The following HEATR5A variants were observed in gnomAD, a reference collection of about 807,000 sequenced individuals.
HEATR5A encodes the protein HEAT repeat-containing protein 5A.
HEATR5A carries 178 observed loss-of-function variants against 218.8 expected under a neutral mutation model. The ratio of observed to expected loss-of-function variants is 0.81; its 90% CI spans 0.72 to 0.92. The LOEUF (loss-of-function observed/expected upper bound fraction) is 0.92. Ranked by LOEUF, HEATR5A falls within the 40% of genes least tolerant of loss-of-function variation. The probability of loss-of-function intolerance (pLI) is 0.00; values close to 1 mark genes in which losing one functional copy is unlikely to be tolerated. For missense variants in HEATR5A, 2,420 were observed against 2,418.9 expected (o/e 1.00, Z -0.01); for synonymous variants, 864 against 871.6 (o/e 0.99, Z 0.15).
intron 27 of HEATR5A, among the ~76,000 whole-genome samples, chr14:31,314,815 C>T (rs922513861): frequency 2.0e-5 from 3 of 152,138 alleles, no homozygotes; most frequent in East Asian, 1.9e-4. Flanking sequence ...CTGGAGGAAA[C>T]CCTTTTGTAC....
intron 25 of HEATR5A, among the ~76,000 whole-genome samples, chr14:31,321,080 C>A (rs1434504910): frequency 3.3e-5 from 5 of 152,078 alleles, no homozygotes; most frequent in Non-Finnish European, 7.4e-5. Flanking sequence ...CCCTCCCTCC[C>A]TTGCTCCCTT....
In HEATR5A at chr14:31,400,420, A is replaced by C. The variant is rs2139304527; in HGVS notation, c.219T>G (p.Ala73=). ...TACTATAAAGTATGGCTAGATTCTT[A>C]GCAAGCAGTTTGCGGGTAGGAGGCC... The part of the protein sequence containing the change: ...SPGPPTRKLL[A]KNLAILYSIG... The change falls in exon 3 of 36, where the codon GCT becomes GCG. Residue 73 remains alanine (A), a synonymous_variant. Coordinates refer to ENST00000543095, the MANE Select transcript of HEATR5A (RefSeq NM_015473.4). The C allele has an allele frequency of 2.0e-6, 3 of 1,535,972 alleles. No individual in the cohort carries two copies. In the East Asian group the frequency reaches 7.3e-5, roughly 38 times the overall value.
rs776727980 is a variant in HEATR5A, at chr14:31,336,211, T to TACACACACACAC, written c.3367+1264_3367+1265insGTGTGTGTGTGT. Among the ~76,000 whole-genome samples, 63 of 10,722 alleles carry TACACACACACAC rather than the reference T, an allele frequency of 5.9e-3. 1 individual carries two copies. Among genetic ancestry groups the TACACACACACAC allele is most frequent in the African/African-American group, 0.016 (60 of 3,718 alleles). The allele number at this position is 10,722 out of a possible 152,430, so 7.0% of individuals were successfully genotyped here. Reference sequence around the variant, plus strand: ...GCAGGGGGTTATTTTTATATATACATACATACATATATATATATATATATA... The same window carrying TACACACACACAC: ...GCAGGGGGTTATTTTTATATATACATACACACACACACACATACATATATATATATATATATA... On this transcript the variant is annotated intron_variant, in intron 22 of 35. Transcript: ENST00000543095.
intron 16 of HEATR5A, among the ~76,000 whole-genome samples, chr14:31,352,046 A>C (rs1237354041): frequency 6.6e-6 from 1 of 152,202 alleles, no homozygotes; most frequent in Non-Finnish European, 1.5e-5. Flanking sequence ...AAATACACAC[A>C]ATATTTCATG....
chr14:31,402,237 C>T (rs992200253), intron 2 of HEATR5A, among the ~76,000 whole-genome samples: 9 of 152,190 alleles, frequency 5.9e-5, no homozygotes, highest in Non-Finnish European at 1.3e-4. Context: ...GCATATAGTA[C>T]TGTGATTATG....
At chr14:31,407,141 A>AT (rs71115006) in intron 1 of HEATR5A, among the ~76,000 whole-genome samples, 41,032 of 151,950 alleles carry the variant, frequency 0.27, 6,902 homozygotes, top group Non-Finnish European at 0.38. Context: ...AAATAAAAAA[A>AT]TTAGCTGGGC....
intron 4 of HEATR5A, 142 bp downstream of exon 4, chr14:31,398,531 C>A (rs1019795940): frequency 3.6e-6 from 2 of 554,890 alleles, no homozygotes; most frequent in African/African-American, 3.8e-5. Flanking sequence ...CAGTGCATCA[C>A]CTAGAAATAT....
At chr14:31,339,131 A>G (rs1900758803) in intron 21 of HEATR5A, among the ~76,000 whole-genome samples, 1 of 150,896 alleles carries the variant, frequency 6.6e-6, no homozygotes, top group African/African-American at 2.4e-5. Context: ...AAAAAAACAA[A>G]AACAAAAACA....
chr14:31,311,030 C>G (rs1381895561), intron 28 of HEATR5A, among the ~76,000 whole-genome samples: 1 of 28,004 alleles, frequency 3.6e-5, no homozygotes, highest in Non-Finnish European at 8.2e-5. Context: ...ACCAACCAAC[C>G]AACCAACCAA....
At chr14:31,416,650 T>C (rs781269501) in intron 1 of HEATR5A, among the ~76,000 whole-genome samples, 9 of 152,130 alleles carry the variant, frequency 5.9e-5, no homozygotes, top group African/African-American at 1.9e-4. Flanking sequence ...ATTCAGGATA[T>C]ATACTCCTGT....
At chr14:31,310,072 C>T (rs921585104) in intron 28 of HEATR5A, among the ~76,000 whole-genome samples, 1 of 152,172 alleles carries the variant, frequency 6.6e-6, no homozygotes, top group Admixed American at 6.6e-5. Context: ...TGACTACTTT[C>T]CTGAAGCCAG....
intron 22 of HEATR5A, among the ~76,000 whole-genome samples, chr14:31,330,419 T>C (rs1422349911): frequency 2.0e-5 from 3 of 152,130 alleles, no homozygotes; most frequent in Non-Finnish European, 4.4e-5. Context: ...TTTTCCCTCC[T>C]AGGCCTCTGG....
Position 31,383,690 on chromosome 14 carries a change from A to G in HEATR5A, c.1427T>C (p.Ile476Thr), listed in dbSNP as rs1267268688. 6.2e-7 allele frequency: 1 copy of G among 1,613,822 alleles called. No homozygotes were observed. Among genetic ancestry groups the G allele is most frequent in the African/African-American group, 1.3e-5 (1 of 74,938 alleles). The stretch of plus-strand genomic sequence containing the variant: ...TAGGTAGGAGGGTAATGCCACGGCA[A>G]TGCAGTGTAAACACCAAGCTGCTGC... ...RLAAAWCLHC[I>T]AVALPSYLTP... is the part of the protein sequence containing the mutation. Residue 476 changes from isoleucine to threonine, a missense_variant, in exon 10 of 36, where the codon ATT becomes ACT. Ile to Thr is a moderately conservative substitution (Grantham distance 89). Coordinates refer to ENST00000543095, the MANE Select transcript of HEATR5A (RefSeq NM_015473.4).
In HEATR5A at chr14:31,293,508, C is replaced by G. The variant is rs1198857100; in HGVS notation, c.5938G>C (p.Ala1980Pro). The G allele has an allele frequency of 8.1e-6, 13 of 1,613,656 alleles. No homozygotes were observed. The highest frequency in any genetic ancestry group is 1.6e-4 in the Middle Eastern group (1 of 6,084). The change falls in exon 36 of 36, where the codon GCT (alanine) becomes CCT (proline). Residue 1980 changes from alanine (A) to proline (P), a missense_variant. Ala to Pro is a conservative substitution (Grantham distance 27). Coordinates refer to ENST00000543095, the MANE Select transcript of HEATR5A (RefSeq NM_015473.4). ...TSIMRNLHDF[A>P]LQNLMQIGPQ... ...CCAATTTGCATGAGATTTTGTAGAGCAAAGTCATGTAAATTTCTCATTATG... is the reference window on the plus strand; with the variant it reads ...CCAATTTGCATGAGATTTTGTAGAGGAAAGTCATGTAAATTTCTCATTATG...
rs1287736426 is a variant in HEATR5A, at chr14:31,358,694, A to G, written c.2354T>C (p.Ile785Thr). ...CCCAAAGAGCTTGGATGCAGAACTAATAACTGATAGTGCTGGAGGTAAGGG... is the reference window on the plus strand; with the variant it reads ...CCCAAAGAGCTTGGATGCAGAACTAGTAACTGATAGTGCTGGAGGTAAGGG... Reference protein sequence around the residue: ...PKPLPPALSVISSASKLFGVV... With the variant: ...PKPLPPALSVTSSASKLFGVV... The change falls in exon 16 of 36, where the codon ATT becomes ACT. Residue 785 changes from isoleucine (I) to threonine (T), a missense_variant. By Grantham distance (89) the Ile-to-Thr change is moderately conservative. Coordinates refer to ENST00000543095, the MANE Select transcript of HEATR5A (RefSeq NM_015473.4). 4 of 1,613,976 alleles carry G rather than the reference A, an allele frequency of 2.5e-6. No homozygotes were observed. The highest frequency in any genetic ancestry group is 3.3e-5 in the Admixed American group (2 of 60,016).
intron 4 of HEATR5A, among the ~76,000 whole-genome samples, chr14:31,397,532 G>A (rs923181638): frequency 6.6e-6 from 1 of 151,824 alleles, no homozygotes; most frequent in African/African-American, 2.4e-5. Context: ...GGTGGCACGC[G>A]CCTGTAATCC....
At chr14:31,373,629 C>T (rs1902119460) in intron 12 of HEATR5A, among the ~76,000 whole-genome samples, 1 of 152,180 alleles carries the variant, frequency 6.6e-6, no homozygotes. Flanking sequence ...CAGCACCTGG[C>T]TGAAACATTA....
chr14:31,315,672 T>TACAAA, intron 27 of HEATR5A, 98 bp downstream of exon 27: 7 of 823,296 alleles, frequency 8.5e-6, no homozygotes, highest in Non-Finnish European at 1.3e-5. Flanking sequence ...AAAAATGAAC[T>TACAAA]TATTTGTAGT....
chr14:31,357,122 T>G (rs1901451418), intron 16 of HEATR5A, among the ~76,000 whole-genome samples: 1 of 152,242 alleles, frequency 6.6e-6, no homozygotes, highest in African/African-American at 2.4e-5. Context: ...TTCAGTCATA[T>G]ATTCTCTTAT....
Sources: allele counts gnomAD v4.1 joint callset (sites outside exome capture counted in the v4.1 genomes callset), GRCh38; gene constraint gnomAD v4.1.1; transcripts MANE v1.5; gene names NCBI Gene and HGNC (gene_info 2026-07-23, HGNC 2026-07-21).